Variants in WWOX observed in about 807,000 individuals in gnomAD.
WWOX encodes WW domain containing oxidoreductase, also known as WW domain-containing oxidoreductase.
Under a neutral mutation model 46.2 loss-of-function variants are expected in WWOX, and 69 were observed. That is an observed-to-expected ratio of 1.49 (90% CI 1.23 to 1.82). The LOEUF is 1.82. WWOX is among the 40% of genes most tolerant of loss of function. The pLI, the probability that WWOX is intolerant of heterozygous loss-of-function variation, is 0.00. For synonymous variants in WWOX, 359 were observed against 202.6 expected (o/e 1.77, Z -6.56); for missense variants, 919 against 542.6 (o/e 1.69, Z -6.89).
chr16:78,392,662 C>A (rs555143973), intron 6 of WWOX, among the ~76,000 whole-genome samples: 1 of 152,148 alleles, frequency 6.6e-6, no homozygotes, highest in Admixed American at 6.5e-5. Context: ...ACATACTCTT[C>A]TGTCTCCTGA....
intron 8 of WWOX, among the ~76,000 whole-genome samples, chr16:79,130,744 C>T (rs11862878): frequency 1.3e-5 from 2 of 152,180 alleles, no homozygotes; most frequent in African/African-American, 4.8e-5. Context: ...CTTGTAATCG[C>T]CACAATGTAT....
chr16:78,797,993 A>G (rs1434720144), intron 8 of WWOX, among the ~76,000 whole-genome samples: 1 of 152,174 alleles, frequency 6.6e-6, no homozygotes, highest in African/African-American at 2.4e-5. Context: ...GTCTCTAAAA[A>G]CAAAAGCAAA....
chr16:78,284,489 A>T (rs1266566785), intron 5 of WWOX, among the ~76,000 whole-genome samples: 1 of 152,206 alleles, frequency 6.6e-6, no homozygotes. Context: ...GCTCAGAGGA[A>T]ATGTGTTGTT....
chr16:79,188,850 C>T (rs974129159), intron 8 of WWOX, among the ~76,000 whole-genome samples: 3 of 152,170 alleles, frequency 2.0e-5, no homozygotes, highest in Non-Finnish European at 4.4e-5. Context: ...ATTTCTGTGG[C>T]GCCAAGGTAA....
At chr16:78,435,342 C>G (rs1024262851) in intron 8 of WWOX, among the ~76,000 whole-genome samples, 1 of 152,162 alleles carries the variant, frequency 6.6e-6, no homozygotes, top group Non-Finnish European at 1.5e-5. Context: ...TCTGCCGCAC[C>G]CTACTGCAGT....
chr16:79,035,595 G>T (rs1192762809), intron 8 of WWOX, among the ~76,000 whole-genome samples: 2 of 152,146 alleles, frequency 1.3e-5, no homozygotes, highest in African/African-American at 4.8e-5. Flanking sequence ...CTGGAGTGTG[G>T]TAGGTGGGAT....
At chr16:78,579,395 A>C (rs1164107659) in intron 8 of WWOX, among the ~76,000 whole-genome samples, 3 of 152,136 alleles carry the variant, frequency 2.0e-5, no homozygotes, top group Non-Finnish European at 4.4e-5. Flanking sequence ...TGAAGGGTAA[A>C]CTGAGTTCAC....
chr16:78,889,835 G>A (rs1597111358), intron 8 of WWOX, among the ~76,000 whole-genome samples: 1 of 152,104 alleles, frequency 6.6e-6, no homozygotes, highest in East Asian at 1.9e-4. Flanking sequence ...TCAGAACAAG[G>A]GTTACGTTTG....
At chr16:78,141,738 C>A (rs1249965227) in intron 4 of WWOX, among the ~76,000 whole-genome samples, 2 of 151,890 alleles carry the variant, frequency 1.3e-5, no homozygotes, top group African/African-American at 4.8e-5. Flanking sequence ...ATATTTGTTA[C>A]TTTTTCATTG....
At chr16:79,005,524 G>A (rs1334044301) in intron 8 of WWOX, among the ~76,000 whole-genome samples, 1 of 152,122 alleles carries the variant, frequency 6.6e-6, no homozygotes, top group Non-Finnish European at 1.5e-5. Context: ...AACTCTATGG[G>A]GGCGTCCTCT....
intron 5 of WWOX, among the ~76,000 whole-genome samples, chr16:78,286,384 C>G (rs1041985803): frequency 1.3e-5 from 2 of 152,144 alleles, no homozygotes; most frequent in African/African-American, 2.4e-5. Flanking sequence ...GGTTGTCCCC[C>G]CCTTTTACTT....
At chr16:78,956,064 C>G (rs907764108) in intron 8 of WWOX, among the ~76,000 whole-genome samples, 5 of 151,928 alleles carry the variant, frequency 3.3e-5, no homozygotes, top group African/African-American at 1.2e-4. Context: ...GCAGAAAGTA[C>G]AGAGAGTTCC....
chr16:79,015,840 C>CT (rs1322582037), intron 8 of WWOX, among the ~76,000 whole-genome samples: 2 of 152,220 alleles, frequency 1.3e-5, no homozygotes, highest in Non-Finnish European at 2.9e-5. Context: ...CAACCCCCGC[C>CT]TCCCGGGTTC....
At chr16:78,441,664 T>C (rs1232865370) in intron 8 of WWOX, among the ~76,000 whole-genome samples, 2 of 152,082 alleles carry the variant, frequency 1.3e-5, no homozygotes, top group Non-Finnish European at 2.9e-5. Context: ...TTCTAACTCT[T>C]GGGCAAGGTT....
intron 5 of WWOX, among the ~76,000 whole-genome samples, chr16:78,386,381 C>G (rs2082060894): frequency 6.6e-6 from 1 of 152,104 alleles, no homozygotes; most frequent in Non-Finnish European, 1.5e-5. Context: ...ACGAGTCTTT[C>G]TGCTTTTGTA....
intron 8 of WWOX, among the ~76,000 whole-genome samples, chr16:78,955,237 T>C (rs139884554): frequency 1.3e-5 from 2 of 152,318 alleles, no homozygotes; most frequent in East Asian, 3.9e-4. Context: ...GCTCAAATGA[T>C]GTTCAGTGCA....
At chr16:79,013,377 T>C (rs930282890) in intron 8 of WWOX, among the ~76,000 whole-genome samples, 6 of 152,196 alleles carry the variant, frequency 3.9e-5, no homozygotes, top group Non-Finnish European at 8.8e-5. Flanking sequence ...ACTGCCCCGA[T>C]CCCTATCTTG....
chr16:78,923,742 C>G lies in WWOX; in HGVS notation c.1057-287866C>G, dbSNP rs116446435. Among the ~76,000 whole-genome samples, 903 of 137,088 alleles carry G rather than the reference C, an allele frequency of 6.6e-3. 12 individuals carry two copies. The highest frequency in any genetic ancestry group is 0.022 in the African/African-American group (869 of 39,550). 89.9% of individuals were successfully genotyped at this position (137,088 alleles called of 152,430 possible). On this transcript the variant is annotated intron_variant, in intron 8 of 8. Coordinates refer to ENST00000566780, the MANE Select transcript of WWOX (RefSeq NM_016373.4). ...GCCTTGGAAATGTCAAAAGGATTCA[C>G]AAGTTTCACAAGTGATGATCTGGGT...
rs1026722445 is a variant in WWOX, at chr16:78,566,311, A to G, written c.1056+133559A>G. ...GGGAGCTGGGGAGAGGAACACATAC[A>G]TTTAGTCCATAACAACTATCTCACT... On this transcript the variant is annotated intron_variant, in intron 8 of 8. Transcript: ENST00000566780. Among the ~76,000 whole-genome samples the G allele has an allele frequency of 4.6e-5, 7 of 152,278 alleles. No individual in the cohort carries two copies. In the South Asian group the frequency reaches 6.2e-4, roughly 14 times the overall value.
Sources: gnomAD v4.1 joint callset for allele counts (sites outside exome capture counted in the v4.1 genomes callset) on GRCh38, gnomAD v4.1.1 for gene constraint, MANE v1.5 for transcripts, NCBI Gene and HGNC (gene_info 2026-07-23, HGNC 2026-07-21) for gene names.